RNLS: variants seen among roughly 807,000 people sequenced by gnomAD.
The protein encoded by RNLS is renalase.
RNLS carries 39 observed loss-of-function variants against 39.8 expected under a neutral mutation model. The ratio of observed to expected loss-of-function variants is 0.98; its 90% CI spans 0.76 to 1.28. The LOEUF (loss-of-function observed/expected upper bound fraction) is 1.28, where lower values mean the gene tolerates loss of function less well. RNLS is among the 50% of genes most tolerant of loss of function. RNLS has a pLI of 0.00. For synonymous variants in RNLS, 147 were observed against 150.7 expected (o/e 0.98, Z 0.18); for missense variants, 410 against 413.3 (o/e 0.99, Z 0.07).
the RNLS span, among the ~76,000 whole-genome samples, chr10:88,265,967 C>T: frequency 9.2e-5 from 14 of 152,310 alleles, no homozygotes; most frequent in South Asian, 2.9e-3. Context: ...TTCATCTCCC[C>T]AGCAGCCAGC....
At chr10:88,363,925 T>G (rs528760648) in intron 4 of RNLS, among the ~76,000 whole-genome samples, 3 of 152,286 alleles carry the variant, frequency 2.0e-5, no homozygotes, top group Non-Finnish European at 4.4e-5. Flanking sequence ...TGGCATATAA[T>G]AAGTGTTCAT....
At position 88,437,892 on chromosome 10, in the gene RNLS, C is replaced by T. The variant is rs142032357; in HGVS notation, c.527-75167G>A. On this transcript the variant is annotated intron_variant, in intron 4 of 6. Transcript: ENST00000331772. The stretch of plus-strand genomic sequence containing the variant: ...CTGTAATCTCAGCACTTTGGGAGGC[C>T]GAGGTGGGCAGATCACCTGAGGTTG... Among the ~76,000 whole-genome samples the T allele has an allele frequency of 9.8e-3, 1,487 of 151,928 alleles. 23 individuals carry two copies. The highest frequency in any genetic ancestry group is 0.034 in the African/African-American group (1,410 of 41,426).
chr10:88,444,044 C>T (rs1020440311), intron 4 of RNLS, among the ~76,000 whole-genome samples: 5 of 152,190 alleles, frequency 3.3e-5, no homozygotes, highest in African/African-American at 7.2e-5. Context: ...CTCTGAACCC[C>T]GAGTAGCCTA....
chr10:88,304,343 T>G (rs1276987136), intron 6 of RNLS, among the ~76,000 whole-genome samples: 1 of 152,102 alleles, frequency 6.6e-6, no homozygotes, highest in Non-Finnish European at 1.5e-5. Flanking sequence ...CTGAACTGGC[T>G]GAGATGGCCA....
chr10:88,492,543 C>T (rs1400130173), intron 4 of RNLS, among the ~76,000 whole-genome samples: 1 of 151,460 alleles, frequency 6.6e-6, no homozygotes, highest in East Asian at 1.9e-4. Flanking sequence ...CTCAGCCTCC[C>T]GAGTAGCTAG....
chr10:88,430,051 T>C (rs1024717374), intron 4 of RNLS, among the ~76,000 whole-genome samples: 3 of 151,804 alleles, frequency 2.0e-5, no homozygotes, highest in Non-Finnish European at 4.4e-5. Flanking sequence ...AAAAAACCTG[T>C]AGGGAATTTG....
At chr10:88,228,922 G>A in the RNLS span, among the ~76,000 whole-genome samples, 3 of 152,094 alleles carry the variant, frequency 2.0e-5, no homozygotes, top group South Asian at 2.1e-4. Context: ...AATGTAGGGA[G>A]TCCATGTAGC....
intron 4 of RNLS, among the ~76,000 whole-genome samples, chr10:88,436,562 G>A (rs2133829843): frequency 6.6e-6 from 1 of 152,258 alleles, no homozygotes; most frequent in South Asian, 2.1e-4. Flanking sequence ...TGGGAGCAAT[G>A]AAATTTTCAG....
At chr10:88,224,576 C>G in the RNLS span, among the ~76,000 whole-genome samples, 3,373 of 152,228 alleles carry the variant, frequency 0.022, 112 homozygotes, top group African/African-American at 0.066. Flanking sequence ...TGAAATAACC[C>G]TCCTTCTTTC....
At chr10:88,481,098 T>TA (rs958826780) in intron 4 of RNLS, among the ~76,000 whole-genome samples, 14 of 152,304 alleles carry the variant, frequency 9.2e-5, no homozygotes, top group Admixed American at 7.9e-4. Flanking sequence ...TTTCTTGTCT[T>TA]AAAGTCTATT....
At chr10:88,552,595 A>G (rs1330991680) in intron 4 of RNLS, among the ~76,000 whole-genome samples, 1 of 152,194 alleles carries the variant, frequency 6.6e-6, no homozygotes, top group Non-Finnish European at 1.5e-5. Context: ...TATTTTATAA[A>G]TCTATTGTCT....
chr10:88,579,728 G>A (rs541056077), intron 3 of RNLS, among the ~76,000 whole-genome samples: 1 of 152,210 alleles, frequency 6.6e-6, no homozygotes, highest in Admixed American at 6.5e-5. Context: ...TCTACAAAAC[G>A]TCCAATAGTG....
chr10:88,203,639 GA>G, the RNLS span, among the ~76,000 whole-genome samples: 3 of 150,164 alleles, frequency 2.0e-5, no homozygotes, highest in Non-Finnish European at 3.0e-5. Context: ...CTCTGGGGGT[GA>G]AAATAGAAAT....
intron 4 of RNLS, among the ~76,000 whole-genome samples, chr10:88,388,131 C>T (rs1027173074): frequency 6.6e-6 from 1 of 152,194 alleles, no homozygotes; most frequent in African/African-American, 2.4e-5. Flanking sequence ...TAGTCGACAA[C>T]ATAACCATTC....
At chr10:88,412,150 G>C (rs1254513436) in intron 4 of RNLS, among the ~76,000 whole-genome samples, 1 of 152,000 alleles carries the variant, frequency 6.6e-6, no homozygotes, top group Admixed American at 6.6e-5. Flanking sequence ...ATTGAAGGCA[G>C]GGGGGTCAGG....
At chr10:88,569,388 T>C (rs1220625943) in intron 4 of RNLS, among the ~76,000 whole-genome samples, 1 of 152,066 alleles carries the variant, frequency 6.6e-6, no homozygotes, top group Non-Finnish European at 1.5e-5. Flanking sequence ...ATATTTCAAT[T>C]CTAGGGCATA....
chr10:88,398,077 T>C (rs1334178903), intron 4 of RNLS, among the ~76,000 whole-genome samples: 2 of 152,152 alleles, frequency 1.3e-5, no homozygotes, highest in South Asian at 2.1e-4. Context: ...TTAAGATTAT[T>C]TGGGCATGGC....
chr10:88,313,313 T>C (rs1480334974), intron 6 of RNLS, among the ~76,000 whole-genome samples: 4 of 152,250 alleles, frequency 2.6e-5, no homozygotes, highest in African/African-American at 9.6e-5. Context: ...TGACTTGATG[T>C]GTAATATATC....
intron 6 of RNLS, among the ~76,000 whole-genome samples, chr10:88,293,981 A>G (rs1537142): frequency 0.83 from 126,790 of 152,184 alleles, 52,970 homozygotes; most frequent in East Asian, 0.99. Flanking sequence ...ACTCTAGATA[A>G]AACTAGAATC....
Sources: allele counts gnomAD v4.1 joint callset (sites outside exome capture counted in the v4.1 genomes callset), GRCh38; gene constraint gnomAD v4.1.1; transcripts MANE v1.5; gene names NCBI Gene and HGNC (gene_info 2026-07-23, HGNC 2026-07-21).